Variants in GLIS3 observed in about 807,000 individuals in gnomAD.
GLIS3 encodes zinc finger protein GLIS3.
A neutral mutation model predicts 78.6 loss-of-function variants in GLIS3; 53 were observed. That is an observed-to-expected ratio of 0.67 (90% CI 0.54 to 0.85). GLIS3 has a LOEUF of 0.85. Ranked by LOEUF, GLIS3 falls within the 40% of genes least tolerant of loss-of-function variation. GLIS3 has a pLI of 0.00. For synonymous variants in GLIS3, 684 were observed against 509.9 expected, an observed-to-expected ratio of 1.34 and a Z score of -4.60; for missense variants, 1,703 against 1,231.1, an observed-to-expected ratio of 1.38 and a Z score of -5.74.
chr9:3,962,350 G>A (rs903985723), intron 4 of GLIS3, among the ~76,000 whole-genome samples: 1 of 152,166 alleles, frequency 6.6e-6, no homozygotes, highest in African/African-American at 2.4e-5. Context: ...CTTGGTGGTA[G>A]TATAGATTAG....
At chr9:4,017,343 C>G (rs1822522555) in intron 4 of GLIS3, among the ~76,000 whole-genome samples, 1 of 152,102 alleles carries the variant, frequency 6.6e-6, no homozygotes, top group South Asian at 2.1e-4. Context: ...CTTCTTCAAC[C>G]AACACAAGAT....
chr9:4,146,805 T>C (rs1834257963), intron 2 of GLIS3, among the ~76,000 whole-genome samples: 1 of 152,200 alleles, frequency 6.6e-6, no homozygotes, highest in Non-Finnish European at 1.5e-5. Context: ...GTTCTCTAGA[T>C]AAACACAGCA....
intron 2 of GLIS3, among the ~76,000 whole-genome samples, chr9:4,205,434 G>A (rs988729919): frequency 5.3e-5 from 8 of 152,296 alleles, no homozygotes; most frequent in East Asian, 3.9e-4. Context: ...AGAGACAATG[G>A]GATACAAGGA....
rs1463259658 is a variant in GLIS3, at chr9:3,828,337, A to G, written c.2728T>C (p.Phe910Leu). 6.2e-7 allele frequency: 1 copy of G among 1,614,080 alleles called. No individual in the cohort carries two copies. Among genetic ancestry groups the G allele is most frequent in the East Asian group, 2.2e-5 (1 of 44,880 alleles). The change falls in exon 11 of 11, where the codon TTC becomes CTC. Residue 910 changes from phenylalanine to leucine, a missense_variant. Transcript: ENST00000381971. ...CGGTCCACGGTGCTGATCTGCAAGA[A>G]GGTAGCATCTTCAGCCCCGCTGCGG... ...SLRSGAEDATFLQISTVDRCP... is the reference protein window; with the variant it reads ...SLRSGAEDATLLQISTVDRCP...
chr9:4,341,255 G>A (rs1325267573), intron 2 of GLIS3, among the ~76,000 whole-genome samples: 3 of 152,150 alleles, frequency 2.0e-5, no homozygotes, highest in Non-Finnish European at 4.4e-5. Context: ...CAACCTATCT[G>A]GCATCACTGG....
chr9:3,986,343 A>C (rs1588391620), intron 4 of GLIS3, among the ~76,000 whole-genome samples: 1 of 152,226 alleles, frequency 6.6e-6, no homozygotes, highest in East Asian at 1.9e-4. Flanking sequence ...GATCACTATG[A>C]ATTAAATTCT....
At chr9:4,343,412 A>T (rs926454432) in intron 2 of GLIS3, among the ~76,000 whole-genome samples, 10 of 152,238 alleles carry the variant, frequency 6.6e-5, no homozygotes, top group African/African-American at 2.4e-4. Flanking sequence ...AGGTAAAAAA[A>T]TAACATGCTG....
chr9:4,187,603 C>T (rs759968744), intron 2 of GLIS3, among the ~76,000 whole-genome samples: 27 of 152,266 alleles, frequency 1.8e-4, no homozygotes, highest in Non-Finnish European at 3.5e-4. Flanking sequence ...GCCATTTTCC[C>T]GATATTGATT....
At chr9:4,476,199 T>G in the GLIS3 span, among the ~76,000 whole-genome samples, 1 of 152,224 alleles carries the variant, frequency 6.6e-6, no homozygotes, top group Non-Finnish European at 1.5e-5. Context: ...ATACAATGAA[T>G]ATAATCATAG....
At position 4,299,955 on chromosome 9, in the gene GLIS3, TGCGCGCCGCGCTCTGGGCTGCCCGGGC is replaced by T. The variant is rs1292505403; in HGVS notation, c.-660_-634del. On this transcript the variant is annotated 5_prime_UTR_variant, in exon 1 of 11. Transcript: ENST00000381971. ...CCGCGGCACTCGCCGCCGGTGCCCG[TGCGCGCCGCGCTCTGGGCTGCCCGGGC>T]GGCGCAGTGTGGACGCGGCTGCAGG... 5 of 151,532 alleles carry T rather than the reference TGCGCGCCGCGCTCTGGGCTGCCCGGGC, an allele frequency of 3.3e-5. No homozygotes were observed. Among genetic ancestry groups the T allele is most frequent in the Non-Finnish European group, 5.9e-5 (4 of 67,946 alleles). 9.4% of individuals were successfully genotyped at this position (151,532 alleles called of 1,614,324 possible).
chr9:3,973,292 C>T (rs1447983559), intron 4 of GLIS3, among the ~76,000 whole-genome samples: 1 of 152,078 alleles, frequency 6.6e-6, no homozygotes, highest in East Asian at 1.9e-4. Context: ...TATTAGGGCT[C>T]CATTGCATCA....
At chr9:4,203,537 A>T (rs1351566690) in intron 2 of GLIS3, among the ~76,000 whole-genome samples, 2 of 152,272 alleles carry the variant, frequency 1.3e-5, no homozygotes, top group African/African-American at 2.4e-5. Context: ...ATCAATATTT[A>T]AAAAGAAAAG....
chr9:4,182,602 A>G (rs1817428950), intron 2 of GLIS3, among the ~76,000 whole-genome samples: 1 of 152,224 alleles, frequency 6.6e-6, no homozygotes, highest in Admixed American at 6.5e-5. Flanking sequence ...GAATGTTCAC[A>G]GGGAAAGAGA....
chr9:3,826,103 A>G lies in GLIS3; in HGVS notation c.*2169T>C, dbSNP rs1185088687. Reference sequence around the variant, plus strand: ...TGTCTTGTCCTCCTTCCCCCTTTCTATTTTAAATTACATAAAGCCAAAAGG... The same window carrying G: ...TGTCTTGTCCTCCTTCCCCCTTTCTGTTTTAAATTACATAAAGCCAAAAGG... On this transcript the variant is annotated 3_prime_UTR_variant, in exon 11 of 11. Coordinates refer to ENST00000381971, the MANE Select transcript of GLIS3 (RefSeq NM_001042413.2). 1 of 152,174 alleles carries G rather than the reference A, an allele frequency of 6.6e-6. No homozygotes were observed. The highest frequency in any genetic ancestry group is 2.4e-5 in the African/African-American group (1 of 41,452). The allele number at this position is 152,174 out of a possible 1,614,324, so 9.4% of individuals were successfully genotyped here. A position where few individuals can be genotyped will look rare whatever the true frequency, so the allele number is the denominator to read the frequency against.
At chr9:4,360,297 G>A in the GLIS3 span, among the ~76,000 whole-genome samples, 1 of 152,138 alleles carries the variant, frequency 6.6e-6, no homozygotes, top group Non-Finnish European at 1.5e-5. Context: ...AAAAGAGCAT[G>A]CGACTGACTA....
chr9:4,225,553 T>G (rs1049777413), intron 2 of GLIS3, among the ~76,000 whole-genome samples: 8 of 152,184 alleles, frequency 5.3e-5, no homozygotes, highest in African/African-American at 1.9e-4. Flanking sequence ...AAACTGCCTC[T>G]TGAGTCACTA....
intron 2 of GLIS3, among the ~76,000 whole-genome samples, chr9:4,212,257 G>A (rs1820441601): frequency 6.6e-6 from 1 of 152,174 alleles, no homozygotes; most frequent in South Asian, 2.1e-4. Context: ...TTTCCCCAAT[G>A]GCTGAGTTCT....
intron 4 of GLIS3, among the ~76,000 whole-genome samples, chr9:3,945,390 G>A (rs908500218): frequency 6.6e-5 from 10 of 152,104 alleles, no homozygotes; most frequent in African/African-American, 2.4e-4. Context: ...TATACCAAGC[G>A]ACCAATTCCC....
At chr9:4,400,763 G>A in the GLIS3 span, among the ~76,000 whole-genome samples, 1 of 152,148 alleles carries the variant, frequency 6.6e-6, no homozygotes, top group East Asian at 1.9e-4. Context: ...GAGTCATGAG[G>A]ACCCTGCTCC....
Sources: allele counts gnomAD v4.1 joint callset (sites outside exome capture counted in the v4.1 genomes callset), GRCh38; gene constraint gnomAD v4.1.1; transcripts MANE v1.5; gene names NCBI Gene and HGNC (gene_info 2026-07-23, HGNC 2026-07-21).